Variants in STUM observed in about 807,000 individuals in gnomAD.
STUM encodes stum, mechanosensory transduction mediator homolog, also known as protein stum homolog.
STUM carries 8 observed loss-of-function variants against 15.3 expected under a neutral mutation model. That is an observed-to-expected ratio of 0.52 (90% CI 0.31 to 0.94). The LOEUF (loss-of-function observed/expected upper bound fraction) is 0.94, where lower values mean the gene tolerates loss of function less well. STUM is among the 40% of genes least tolerant of loss of function. The probability of loss-of-function intolerance (pLI) is 0.05; values close to 1 mark genes in which losing one functional copy is unlikely to be tolerated. For missense variants in STUM, 142 were observed against 204.9 expected (o/e 0.69, Z 1.87); for synonymous variants, 78 against 88.7 (o/e 0.88, Z 0.68).
chr1:226,564,291 A>G (rs1363824188), intron 1 of STUM, among the ~76,000 whole-genome samples: 1 of 152,136 alleles, frequency 6.6e-6, no homozygotes, highest in Non-Finnish European at 1.5e-5. Flanking sequence ...CTGTTTCAAG[A>G]TGTCGGTCCT....
At chr1:226,566,297 A>G (rs992654040) in intron 1 of STUM, among the ~76,000 whole-genome samples, 1 of 152,232 alleles carries the variant, frequency 6.6e-6, no homozygotes, top group East Asian at 1.9e-4. Context: ...CCCTTTTGAT[A>G]GCCATGCCAA....
intron 1 of STUM, among the ~76,000 whole-genome samples, chr1:226,556,092 A>G (rs941032078): frequency 6.6e-6 from 1 of 152,218 alleles, no homozygotes; most frequent in Admixed American, 6.5e-5. Context: ...TCCCATTTCA[A>G]GGGTAATTTG....
chr1:226,602,378 A>C lies in STUM; in HGVS notation c.*338A>C. ...CCACTGCCCACCGCAAAGGCACGCCACGTCTGCTGGGCCGGGCCACACCGG... is the reference window on the plus strand; with the variant it reads ...CCACTGCCCACCGCAAAGGCACGCCCCGTCTGCTGGGCCGGGCCACACCGG... On this transcript the variant is annotated 3_prime_UTR_variant, in exon 4 of 4. Transcript: ENST00000366788. 3.1e-6 allele frequency: 1 copy of C among 325,978 alleles called. No individual in the cohort carries two copies. The highest frequency in any genetic ancestry group is 4.2e-5 in the South Asian group (1 of 23,796). 20.2% of individuals were successfully genotyped at this position (325,978 alleles called of 1,614,324 possible).
intron 1 of STUM, 63 bp from the exon 2 acceptor site, chr1:226,596,739 G>T (rs1039801570): frequency 4.8e-6 from 7 of 1,468,780 alleles, no homozygotes; most frequent in Non-Finnish European, 6.6e-6. Flanking sequence ...GGCCAGCAAT[G>T]AGCACACAGA....
Position 226,596,631 on chromosome 1 carries a change from G to A in STUM, c.203-171G>A, listed in dbSNP as rs372541433. Among the ~76,000 whole-genome samples the A allele has an allele frequency of 2.6e-5, 4 of 152,340 alleles. No individual in the cohort carries two copies. The South Asian group carries it at 8.3e-4, about 32-fold the overall frequency. The stretch of plus-strand genomic sequence containing the variant: ...GAACTCTGCAGTATGGAGATGAGAG[G>A]TGGGCCAGGGTCTGGGCAGGGGTGC... On this transcript the variant is annotated intron_variant, in intron 1 of 3. Transcript: ENST00000366788.
At position 226,602,366 on chromosome 1, in the gene STUM, C is replaced by T. The variant is rs1030907196; in HGVS notation, c.*326C>T. On this transcript the variant is annotated 3_prime_UTR_variant, in exon 4 of 4. Transcript: ENST00000366788. Reference sequence around the variant, plus strand: ...GCCTTGCTGTACCCACTGCCCACCGCAAAGGCACGCCACGTCTGCTGGGCC... The same window carrying T: ...GCCTTGCTGTACCCACTGCCCACCGTAAAGGCACGCCACGTCTGCTGGGCC... 1.1e-5 allele frequency: 4 copies of T among 353,806 alleles called. No individual in the cohort carries two copies. The highest frequency in any genetic ancestry group is 2.1e-5 in the Non-Finnish European group (4 of 190,162). The allele number at this position is 353,806 out of a possible 1,614,324, so 21.9% of individuals were successfully genotyped here. A position where few individuals can be genotyped will look rare whatever the true frequency, so the allele number is the denominator to read the frequency against.
rs1186314650 is a variant in STUM, at chr1:226,549,637, G to A, written c.202+531G>A. On this transcript the variant is annotated intron_variant, in intron 1 of 3. Transcript: ENST00000366788. The surrounding 1 kb of genome is among the most constrained non-coding windows in gnomAD (Gnocchi z 6.8). ...GGTTCGCGGAGTGCGGACCGCGTGG[G>A]GACGAGAACTCTAGCCAGAGTCTCC... Among the ~76,000 whole-genome samples, 1 of 152,196 alleles carries A rather than the reference G, an allele frequency of 6.6e-6. No individual in the cohort carries two copies. The highest frequency in any genetic ancestry group is 1.5e-5 in the Non-Finnish European group (1 of 68,040).
intron 1 of STUM, among the ~76,000 whole-genome samples, chr1:226,584,311 G>A (rs528639006): frequency 9.2e-5 from 14 of 152,308 alleles, no homozygotes; most frequent in African/African-American, 3.1e-4. Flanking sequence ...TGGTGGCTGG[G>A]TTCAAGAGTA....
At chr1:226,556,575 G>A (rs753831453) in intron 1 of STUM, among the ~76,000 whole-genome samples, 1 of 152,156 alleles carries the variant, frequency 6.6e-6, no homozygotes, top group Admixed American at 6.5e-5. Context: ...TCAACATTAG[G>A]TTCATGATGC....
At position 226,584,317 on chromosome 1, in the gene STUM, G is replaced by A. The variant is rs547232374; in HGVS notation, c.203-12485G>A. Reference sequence around the variant, plus strand: ...TTTATAGCGTGGTGGCTGGGTTCAAGAGTATGCAGCTGAAGATGCAGGAAG... The same window carrying A: ...TTTATAGCGTGGTGGCTGGGTTCAAAAGTATGCAGCTGAAGATGCAGGAAG... On this transcript the variant is annotated intron_variant, in intron 1 of 3. Transcript: ENST00000366788. 2.0e-5 allele frequency among the ~76,000 whole-genome samples: 3 copies of A among 152,354 alleles called. No homozygotes were observed. In the South Asian group the frequency reaches 6.2e-4, roughly 32 times the overall value.
intron 1 of STUM, among the ~76,000 whole-genome samples, chr1:226,587,563 C>T (rs1053454985): frequency 2.6e-5 from 4 of 152,248 alleles, no homozygotes; most frequent in Non-Finnish European, 5.9e-5. Flanking sequence ...ACAATCCCAA[C>T]GCATTTGCCG....
In STUM at chr1:226,600,838, A is replaced by G. The variant is rs1668252050; in HGVS notation, c.391+164A>G. On this transcript the variant is annotated intron_variant, in intron 3 of 3. Transcript: ENST00000366788. This position sits in a 1 kb window ranked among gnomAD's most constrained non-coding sequence, Gnocchi z 5.2. ...TGGTTTGGAAAATGCTTAAACATAGACAAAAGTAGAGCCCCTAGTAAAATG... is the reference window on the plus strand; with the variant it reads ...TGGTTTGGAAAATGCTTAAACATAGGCAAAAGTAGAGCCCCTAGTAAAATG... 6.6e-6 allele frequency among the ~76,000 whole-genome samples: 1 copy of G among 152,140 alleles called. No homozygotes were observed. The highest frequency in any genetic ancestry group is 6.5e-5 in the Admixed American group (1 of 15,278).
At chr1:226,597,399 G>A in intron 2 of STUM, 1 of 474,276 alleles carries the variant, frequency 2.1e-6, no homozygotes, top group Non-Finnish European at 4.4e-6. Context: ...CACGTTCCCT[G>A]TATTTTCCCA....
At chr1:226,595,677 G>T (rs553508114) in intron 1 of STUM, among the ~76,000 whole-genome samples, 1 of 152,324 alleles carries the variant, frequency 6.6e-6, no homozygotes, top group East Asian at 1.9e-4. Flanking sequence ...CTATCACAAG[G>T]GTCCTTACTA....
At position 226,548,841 on chromosome 1, in the gene STUM, T is replaced by C; in HGVS notation, c.-64T>C. The C allele has an allele frequency of 8.0e-7, 1 of 1,243,242 alleles. No individual in the cohort carries two copies. The highest frequency in any genetic ancestry group is 4.3e-5 in the Admixed American group (1 of 23,274). The allele number at this position is 1,243,242 out of a possible 1,614,324, so 77.0% of individuals were successfully genotyped here. A position where few individuals can be genotyped will look rare whatever the true frequency, so the allele number is the denominator to read the frequency against. On this transcript the variant is annotated 5_prime_UTR_variant, in exon 1 of 4. Coordinates refer to ENST00000366788, the MANE Select transcript of STUM (RefSeq NM_001003665.4). ...CCGGAGCCCGCAGCCGACAGTCTCC[T>C]GCTCCCGTACGCTGGGCGCCAGCTC... is the stretch of plus-strand genomic sequence containing the variant.
intron 1 of STUM, among the ~76,000 whole-genome samples, chr1:226,583,059 A>G (rs1363828712): frequency 6.6e-6 from 1 of 152,246 alleles, no homozygotes; most frequent in Non-Finnish European, 1.5e-5. Context: ...ATCCTCCAAC[A>G]GGCTAGCCAG....
chr1:226,578,343 C>G (rs1053286779), intron 1 of STUM, among the ~76,000 whole-genome samples: 3 of 145,496 alleles, frequency 2.1e-5, no homozygotes, highest in Admixed American at 1.4e-4. Context: ...CCCCACACCA[C>G]CGCCCCAACC....
intron 1 of STUM, among the ~76,000 whole-genome samples, chr1:226,586,812 A>G (rs1668005500): frequency 6.6e-6 from 1 of 152,048 alleles, no homozygotes; most frequent in African/African-American, 2.4e-5. Flanking sequence ...TTTCCACCAG[A>G]CTGGCCACCC....
chr1:226,598,091 A>C lies in STUM; in HGVS notation c.382+1110A>C, dbSNP rs1668212590. On this transcript the variant is annotated intron_variant, in intron 2 of 3. Transcript: ENST00000366788. ...GCAGGCAGGCCCTTGCATCTCCTTC[A>C]TGGGATCTCATCCTCTGGGCATGTC... 2.6e-5 allele frequency among the ~76,000 whole-genome samples: 4 copies of C among 152,178 alleles called. No individual in the cohort carries two copies. In the South Asian group the frequency reaches 8.3e-4, roughly 31 times the overall value.
Sources: gnomAD v4.1 joint callset for allele counts (sites outside exome capture counted in the v4.1 genomes callset) on GRCh38, gnomAD v4.1.1 for gene constraint, Gnocchi (gnomAD v3.1) non-coding constraint, MANE v1.5 for transcripts, NCBI Gene and HGNC (gene_info 2026-07-23, HGNC 2026-07-21) for gene names.